Variants in SNTG2 observed in about 807,000 individuals in gnomAD.
SNTG2 encodes gamma-2-syntrophin.
Under a neutral mutation model 70.9 loss-of-function variants are expected in SNTG2, and 74 were observed. The observed-to-expected ratio is 1.04, with a 90% confidence interval of 0.86 to 1.27. SNTG2 has a LOEUF of 1.27. SNTG2 is among the 50% of genes most tolerant of loss of function. The pLI is 0.00. For missense variants in SNTG2, 717 were observed against 690.7 expected (o/e 1.04, Z -0.43); for synonymous variants, 278 against 273.8 (o/e 1.02, Z -0.15).
At chr2:1,271,257 T>C (rs1264420921) in intron 14 of SNTG2, among the ~76,000 whole-genome samples, 1 of 152,192 alleles carries the variant, frequency 6.6e-6, no homozygotes, top group African/African-American at 2.4e-5. Context: ...GCCAATATTA[T>C]GTTATATAAT....
intron 1 of SNTG2, among the ~76,000 whole-genome samples, chr2:953,493 A>G (rs1379809209): frequency 6.6e-6 from 1 of 152,234 alleles, no homozygotes; most frequent in East Asian, 1.9e-4. Flanking sequence ...GCACCACCTA[A>G]TCATCTGTTT....
chr2:1,332,335 T>C (rs571319383), intron 16 of SNTG2, among the ~76,000 whole-genome samples: 61 of 152,314 alleles, frequency 4.0e-4, no homozygotes, highest in African/African-American at 1.5e-3. Context: ...CACACCTTAA[T>C]TCTATCAGAC....
intron 9 of SNTG2, among the ~76,000 whole-genome samples, chr2:1,224,097 G>A (rs1426904459): frequency 2.6e-5 from 4 of 152,138 alleles, no homozygotes; most frequent in South Asian, 2.1e-4. Context: ...GTCTCCCTGC[G>A]GCCTCTTCTG....
At chr2:1,271,606 C>G (rs544214508) in intron 14 of SNTG2, among the ~76,000 whole-genome samples, 18 of 152,280 alleles carry the variant, frequency 1.2e-4, no homozygotes, top group African/African-American at 4.3e-4. Context: ...AACAAGGTTT[C>G]CATACTCCAC....
At chr2:990,962 C>A (rs947439140) in intron 1 of SNTG2, among the ~76,000 whole-genome samples, 3 of 151,922 alleles carry the variant, frequency 2.0e-5, no homozygotes, top group African/African-American at 4.8e-5. Context: ...AAAGGGAAAT[C>A]TGGATGCTTT....
In SNTG2 at chr2:1,173,150, C is replaced by A. The variant is rs368330794; in HGVS notation, c.558C>A (p.Ser186Arg). The A allele has an allele frequency of 4.3e-6, 7 of 1,613,950 alleles. No homozygotes were observed. Among genetic ancestry groups the A allele is most frequent in the Non-Finnish European group, 5.9e-6 (7 of 1,179,886 alleles). Reference sequence around the variant, plus strand: ...GGGCCTCCTCTCCCCTCTTTGACAGCGGTTTGCATCTGAACGGAAACTCCA... The same window carrying A: ...GGGCCTCCTCTCCCCTCTTTGACAGAGGTTTGCATCTGAACGGAAACTCCA... ...SSGASSPLFDSGLHLNGNSST... is the reference protein window; with the variant it reads ...SSGASSPLFDRGLHLNGNSST... Residue 186 changes from serine to arginine, a missense_variant, in exon 8 of 17, where the codon AGC (serine) becomes AGA (arginine). Ser to Arg is a moderately radical substitution (Grantham distance 110). Transcript: ENST00000308624.
At chr2:1,326,720 T>C (rs1381327063) in intron 16 of SNTG2, among the ~76,000 whole-genome samples, 5 of 152,218 alleles carry the variant, frequency 3.3e-5, no homozygotes, top group Non-Finnish European at 7.3e-5. Flanking sequence ...ATTGGCATAT[T>C]ATTAATGCTG....
chr2:1,051,440 A>C (rs1424654912), intron 1 of SNTG2, among the ~76,000 whole-genome samples: 1 of 152,212 alleles, frequency 6.6e-6, no homozygotes. Flanking sequence ...TTTTGAGATT[A>C]ATCAATGATC....
intron 4 of SNTG2, among the ~76,000 whole-genome samples, chr2:1,103,716 T>C (rs1487496198): frequency 6.6e-6 from 1 of 152,156 alleles, no homozygotes; most frequent in Non-Finnish European, 1.5e-5. Flanking sequence ...CAATGATCCA[T>C]TTGATGATTT....
chr2:965,500 G>C (rs986110444), intron 1 of SNTG2, among the ~76,000 whole-genome samples: 3 of 145,338 alleles, frequency 2.1e-5, no homozygotes, highest in Non-Finnish European at 4.5e-5. Context: ...TGATCCTCTG[G>C]TCTTCTTCAG....
intron 14 of SNTG2, among the ~76,000 whole-genome samples, chr2:1,297,873 C>A (rs1680290265): frequency 6.6e-6 from 1 of 152,110 alleles, no homozygotes; most frequent in Non-Finnish European, 1.5e-5. Flanking sequence ...TTGAAAATAC[C>A]GAGTATCAGC....
At chr2:1,190,554 A>G (rs28606066) in intron 8 of SNTG2, among the ~76,000 whole-genome samples, 32,645 of 144,024 alleles carry the variant, frequency 0.23, 4,631 homozygotes, top group East Asian at 0.43. Flanking sequence ...ATATATAAAC[A>G]TATGTATAAA....
At chr2:1,347,486 C>A (rs1169891798) in intron 16 of SNTG2, among the ~76,000 whole-genome samples, 1 of 152,198 alleles carries the variant, frequency 6.6e-6, no homozygotes, top group African/African-American at 2.4e-5. Flanking sequence ...AGTTTACAAC[C>A]ACTGGTTCTT....
chr2:1,068,922 GCCGTACT>G (rs1663337116), intron 1 of SNTG2, among the ~76,000 whole-genome samples: 1 of 152,190 alleles, frequency 6.6e-6, no homozygotes, highest in African/African-American at 2.4e-5. Flanking sequence ...CCATGGTAGG[GCCGTACT>G]CATTGACTAG....
intron 1 of SNTG2, among the ~76,000 whole-genome samples, chr2:1,048,241 A>G (rs1661853465): frequency 6.6e-6 from 1 of 152,170 alleles, no homozygotes; most frequent in South Asian, 2.1e-4. Flanking sequence ...CAATATGCAA[A>G]GGGAAAAGTG....
intron 11 of SNTG2, among the ~76,000 whole-genome samples, chr2:1,246,233 C>T (rs1677418683): frequency 6.6e-6 from 1 of 152,242 alleles, no homozygotes; most frequent in Admixed American, 6.5e-5. Flanking sequence ...CCCCGCCCTA[C>T]AAGACAGTGC....
intron 16 of SNTG2, among the ~76,000 whole-genome samples, chr2:1,339,123 T>C (rs1356930299): frequency 6.6e-6 from 1 of 152,230 alleles, no homozygotes; most frequent in Admixed American, 6.5e-5. Context: ...TGATTGATGA[T>C]GTGACACATC....
intron 8 of SNTG2, among the ~76,000 whole-genome samples, chr2:1,190,574 CTG>C (rs1237829267): frequency 7.2e-6 from 1 of 138,952 alleles, no homozygotes; most frequent in African/African-American, 2.7e-5. Context: ...ATGCATGTGA[CTG>C]TAAATGTATA....
chr2:1,262,159 A>G (rs1678448406), intron 13 of SNTG2, among the ~76,000 whole-genome samples: 1 of 152,202 alleles, frequency 6.6e-6, no homozygotes, highest in Non-Finnish European at 1.5e-5. Flanking sequence ...TAGGAGAGAG[A>G]GAGAGATTCA....
Sources: allele counts gnomAD v4.1 joint callset (sites outside exome capture counted in the v4.1 genomes callset), GRCh38; gene constraint gnomAD v4.1.1; transcripts MANE v1.5; gene names NCBI Gene and HGNC (gene_info 2026-07-23, HGNC 2026-07-21).